DLG1: variants seen among roughly 807,000 people sequenced by gnomAD.
DLG1 encodes the protein disks large homolog 1.
In DLG1, 42 loss-of-function variants were observed where a neutral mutation model predicts 123.4. The observed-to-expected ratio is 0.34, with a 90% CI of 0.27 to 0.44. The LOEUF is 0.44. DLG1 is among the 20% of genes least tolerant of loss of function. DLG1 has a pLI of 1.00. For synonymous variants in DLG1, 317 were observed against 356.2 expected, an observed-to-expected ratio of 0.89 and a Z score of 1.24; for missense variants, 942 against 1,082.6, an observed-to-expected ratio of 0.87 and a Z score of 1.82.
At position 197,194,487 on chromosome 3, in the gene DLG1, T is replaced by A; in HGVS notation, c.421A>T (p.Asn141Tyr). 6.2e-7 allele frequency: 1 copy of A among 1,605,556 alleles called. No individual in the cohort carries two copies. The highest frequency in any genetic ancestry group is 1.3e-5 in the African/African-American group (1 of 74,614). ...GPELVHVSEKNLSEIENVHGF... is the reference protein window; with the variant it reads ...GPELVHVSEKYLSEIENVHGF... Reference sequence around the variant, plus strand: ...TGGACATTCTCAATCTCTGATAAGTTCTTCTCTGAGACATGAACCAATTCT... The same window carrying A: ...TGGACATTCTCAATCTCTGATAAGTACTTCTCTGAGACATGAACCAATTCT... Residue 141 changes from asparagine (N) to tyrosine (Y), a missense_variant, in exon 5 of 25, where the codon AAC (asparagine) becomes TAC (tyrosine). Coordinates refer to ENST00000667157, the MANE Select transcript of DLG1 (RefSeq NM_001366207.1).
rs35979905 is a variant in DLG1 at position 197,051,833 on chromosome 3, ATTTTTTTTTTTTT to A, written c.2484-178_2484-166del. On this transcript the variant is annotated intron_variant, in intron 23 of 24. Coordinates refer to ENST00000667157, the MANE Select transcript of DLG1 (RefSeq NM_001366207.1). ...TGAGTCATTCTGGTCATTTCTGGGAATTTTTTTTTTTTTTTTTTTTTTTTTTGAGACAGTGTCT... is the reference window on the plus strand; with the variant it reads ...TGAGTCATTCTGGTCATTTCTGGGAATTTTTTTTTTTTTGAGACAGTGTCT... 4.8e-3 allele frequency among the ~76,000 whole-genome samples: 436 copies of A among 90,306 alleles called. 3 individuals carry two copies. The highest frequency in any genetic ancestry group is 0.018 in the African/African-American group (428 of 24,336). 59.2% of individuals were successfully genotyped at this position (90,306 alleles called of 152,430 possible).
At chr3:197,278,282 C>CAAAAAAAAAAAAAAAAAAA in intron 4 of DLG1, among the ~76,000 whole-genome samples, 1 of 37,494 alleles carries the variant, frequency 2.7e-5, no homozygotes, top group Non-Finnish European at 4.4e-5. Context: ...GACTCTGTCC[C>CAAAAAAAAAAAAAAAAAAA]AAAAAAAAAA....
chr3:197,250,253 C>A (rs55911105), intron 4 of DLG1, among the ~76,000 whole-genome samples: 1 of 152,164 alleles, frequency 6.6e-6, no homozygotes, highest in Non-Finnish European at 1.5e-5. Context: ...ATTATATATA[C>A]CAACAGTGAA....
At chr3:197,293,421 T>A (rs537648949) in intron 3 of DLG1, among the ~76,000 whole-genome samples, 3 of 152,348 alleles carry the variant, frequency 2.0e-5, no homozygotes, top group Non-Finnish European at 4.4e-5. Flanking sequence ...ATTGCGAGTA[T>A]CAATTATAAA....
At chr3:197,198,077 C>T (rs1723481447) in intron 4 of DLG1, among the ~76,000 whole-genome samples, 1 of 151,960 alleles carries the variant, frequency 6.6e-6, no homozygotes, top group Admixed American at 6.6e-5. Flanking sequence ...TTGGATATGA[C>T]ATTAAAAGCA....
rs140772028 is a variant in DLG1, at chr3:197,284,945, T to C, written c.152-2100A>G. 2.6e-4 allele frequency among the ~76,000 whole-genome samples: 39 copies of C among 151,084 alleles called. No homozygotes were observed. The East Asian group carries it at 6.6e-3, about 26-fold the overall frequency. Reference sequence around the variant, plus strand: ...AACAAGACCACACAAAGCTCTAACATGTACACTAAGAAACCTCCAAAAATC... The same window carrying C: ...AACAAGACCACACAAAGCTCTAACACGTACACTAAGAAACCTCCAAAAATC... On this transcript the variant is annotated intron_variant, in intron 3 of 24. Coordinates refer to ENST00000667157, the MANE Select transcript of DLG1 (RefSeq NM_001366207.1).
chr3:197,232,949 C>T (rs1303326567), intron 4 of DLG1, among the ~76,000 whole-genome samples: 4 of 152,052 alleles, frequency 2.6e-5, no homozygotes, highest in Admixed American at 1.3e-4. Context: ...AGGATTTACA[C>T]TCTCATTATT....
chr3:197,208,440 T>C (rs1729712515), intron 4 of DLG1, among the ~76,000 whole-genome samples: 1 of 146,828 alleles, frequency 6.8e-6, no homozygotes, highest in Non-Finnish European at 1.5e-5. Context: ...ATGTTTACAA[T>C]CGAAGTGTGT....
intron 5 of DLG1, among the ~76,000 whole-genome samples, chr3:197,170,992 AG>A (rs1803910413): frequency 6.6e-6 from 1 of 152,228 alleles, no homozygotes; most frequent in African/African-American, 2.4e-5. Flanking sequence ...GGCAAGGAAA[AG>A]TATCAACTGT....
At chr3:197,239,858 G>A (rs115878427) in intron 4 of DLG1, among the ~76,000 whole-genome samples, 618 of 63,390 alleles carry the variant, frequency 9.7e-3, no homozygotes, top group African/African-American at 0.012. Context: ...AAAAAAAAAA[G>A]AATTCTAGCA....
chr3:197,084,179 C>G (rs1225786988), intron 16 of DLG1, among the ~76,000 whole-genome samples: 1 of 152,174 alleles, frequency 6.6e-6, no homozygotes, highest in Non-Finnish European at 1.5e-5. Flanking sequence ...TCTTACTTAC[C>G]TACACCAACC....
At position 197,043,483 on chromosome 3, in the gene DLG1, TTAAGGAAGA is replaced by T. The variant is rs978572109; in HGVS notation, c.*1131_*1139del. The T allele has an allele frequency of 2.8e-4, 18 of 65,360 alleles. No individual in the cohort carries two copies. The highest frequency in any genetic ancestry group is 1.0e-3 in the African/African-American group (18 of 17,162). 4.0% of individuals were successfully genotyped at this position (65,360 alleles called of 1,614,324 possible). On this transcript the variant is annotated 3_prime_UTR_variant, in exon 25 of 25. Coordinates refer to ENST00000667157, the MANE Select transcript of DLG1 (RefSeq NM_001366207.1). Reference sequence around the variant, plus strand: ...ATGCCCCCATTTTCAGTTCACATGATTAAGGAAGATAAGTCTATTCAATTAATATTTAAT... The same window carrying T: ...ATGCCCCCATTTTCAGTTCACATGATTAAGTCTATTCAATTAATATTTAAT...
chr3:197,288,743 A>ATACATACATACATACATAC (rs1553827363), intron 3 of DLG1, among the ~76,000 whole-genome samples: 163 of 72,010 alleles, frequency 2.3e-3, no homozygotes, highest in Non-Finnish European at 3.1e-3. Flanking sequence ...AAAAAAAAAA[A>ATACATACATACATACATAC]ATACATACAT....
intron 4 of DLG1, among the ~76,000 whole-genome samples, chr3:197,203,532 A>T (rs1726954994): frequency 6.6e-6 from 1 of 152,182 alleles, no homozygotes; most frequent in East Asian, 1.9e-4. Context: ...AAAAAGAAAA[A>T]AAAACCACTG....
At chr3:197,081,020 T>C in intron 17 of DLG1, 31 bp downstream of exon 17, 1 of 1,588,450 alleles carries the variant, frequency 6.3e-7, no homozygotes, top group South Asian at 1.1e-5. Flanking sequence ...CAAACAGGAA[T>C]TACAAAAATG....
chr3:197,122,109 T>C (rs1274179317), intron 11 of DLG1, among the ~76,000 whole-genome samples: 2 of 151,942 alleles, frequency 1.3e-5, no homozygotes, highest in Non-Finnish European at 2.9e-5. Context: ...ATATAAGCAG[T>C]TCAAAATCAA....
chr3:197,052,234 C>T (rs1236098252), intron 23 of DLG1, among the ~76,000 whole-genome samples: 1 of 152,066 alleles, frequency 6.6e-6, no homozygotes, highest in Non-Finnish European at 1.5e-5. Context: ...GCAGGTGGAT[C>T]ACTTGAGGTA....
chr3:197,296,090 A>G (rs1226850801), intron 3 of DLG1, among the ~76,000 whole-genome samples: 1 of 152,248 alleles, frequency 6.6e-6, no homozygotes, highest in East Asian at 1.9e-4. Flanking sequence ...TCTGTGCAAC[A>G]TCTTTTAATA....
chr3:197,070,018 C>T (rs1050402525), intron 18 of DLG1: 2 of 152,146 alleles, frequency 1.3e-5, no homozygotes, highest in South Asian at 4.1e-4. Flanking sequence ...AGAACAAACA[C>T]ACCCAGCCAG....
Sources: gnomAD v4.1 joint callset for allele counts (sites outside exome capture counted in the v4.1 genomes callset) on GRCh38, gnomAD v4.1.1 for gene constraint, MANE v1.5 for transcripts, NCBI Gene and HGNC (gene_info 2026-07-23, HGNC 2026-07-21) for gene names.